The following CTNND2 variants were observed in gnomAD, a reference collection of about 807,000 sequenced individuals.
CTNND2 encodes the protein catenin delta-2.
A neutral mutation model predicts 144.4 loss-of-function variants in CTNND2; 22 were observed. That is an observed-to-expected ratio of 0.15 (90% confidence interval 0.11 to 0.22). The LOEUF is 0.22. Among genes scored for constraint, CTNND2 ranks in the 10% least tolerant of loss-of-function variants. The pLI, the probability that CTNND2 is intolerant of heterozygous loss-of-function variation, is 1.00. For synonymous variants in CTNND2, 751 were observed against 695.6 expected, an observed-to-expected ratio of 1.08 and a Z score of -1.25; for missense variants, 1,353 against 1,618.8, an observed-to-expected ratio of 0.84 and a Z score of 2.82.
intron 3 of CTNND2, among the ~76,000 whole-genome samples, chr5:11,505,441 C>T (rs3895695): frequency 0.13 from 19,239 of 152,060 alleles, 1,249 homozygotes; most frequent in Middle Eastern, 0.28. Context: ...TGAAATAAAC[C>T]GCTTAATGTT....
intron 11 of CTNND2, among the ~76,000 whole-genome samples, chr5:11,178,982 C>T (rs1252362198): frequency 5.9e-5 from 9 of 152,262 alleles, no homozygotes; most frequent in African/African-American, 1.9e-4. Context: ...ATATATTTTA[C>T]AACTATTTCT....
chr5:11,848,753 T>C (rs1794873330), intron 1 of CTNND2, among the ~76,000 whole-genome samples: 1 of 152,130 alleles, frequency 6.6e-6, no homozygotes, highest in Non-Finnish European at 1.5e-5. Context: ...TATATGTGGA[T>C]TGTGTATCAT....
intron 9 of CTNND2, among the ~76,000 whole-genome samples, chr5:11,332,169 G>T (rs965895433): frequency 1.3e-5 from 2 of 151,886 alleles, no homozygotes; most frequent in Non-Finnish European, 1.5e-5. Context: ...CAGCTACTTG[G>T]GAGGCTGAGG....
rs375628079 is a variant in CTNND2 at position 11,352,401 on chromosome 5, A to AC, written c.1373-5775_1373-5774insG. Among the ~76,000 whole-genome samples, 8 of 152,312 alleles carry AC rather than the reference A, an allele frequency of 5.3e-5. No individual in the cohort carries two copies. The South Asian group carries it at 1.0e-3, about 20-fold the overall frequency. On this transcript the variant is annotated intron_variant, in intron 8 of 21. Coordinates refer to ENST00000304623, the MANE Select transcript of CTNND2 (RefSeq NM_001332.4). Reference sequence around the variant, plus strand: ...TCCTTCTTGTTATAACCTTGAAAAAATTTAAAAATGCAAGCTCTTCATCTG... The same window carrying AC: ...TCCTTCTTGTTATAACCTTGAAAAAACTTTAAAAATGCAAGCTCTTCATCTG...
intron 2 of CTNND2, among the ~76,000 whole-genome samples, chr5:11,693,101 A>G (rs1037524728): frequency 2.0e-5 from 3 of 152,208 alleles, no homozygotes; most frequent in East Asian, 1.9e-4. Flanking sequence ...AGTTACTCCA[A>G]TGTCAAACTT....
intron 5 of CTNND2, among the ~76,000 whole-genome samples, chr5:11,402,187 A>C (rs1464200026): frequency 2.0e-5 from 3 of 152,204 alleles, no homozygotes; most frequent in African/African-American, 7.2e-5. Flanking sequence ...ATCTTTTGGC[A>C]CTTAGAGACA....
chr5:11,539,130 C>T (rs1774487352), intron 3 of CTNND2, among the ~76,000 whole-genome samples: 1 of 152,084 alleles, frequency 6.6e-6, no homozygotes, highest in Non-Finnish European at 1.5e-5. Flanking sequence ...ATGAAAATGT[C>T]AGGGAGTCCA....
At chr5:11,442,634 G>A (rs1008916649) in intron 3 of CTNND2, among the ~76,000 whole-genome samples, 3 of 151,814 alleles carry the variant, frequency 2.0e-5, no homozygotes, top group African/African-American at 4.8e-5. Flanking sequence ...AATAGAGGGT[G>A]CAAATCAGAC....
intron 3 of CTNND2, among the ~76,000 whole-genome samples, chr5:11,553,863 A>C (rs898266560): frequency 2.6e-5 from 4 of 152,122 alleles, no homozygotes; most frequent in African/African-American, 9.7e-5. Flanking sequence ...AGTTATATTG[A>C]TTGTTTTTAG....
chr5:11,723,644 A>G (rs1460239008), intron 2 of CTNND2, among the ~76,000 whole-genome samples: 1 of 152,210 alleles, frequency 6.6e-6, no homozygotes, highest in East Asian at 1.9e-4. Context: ...TCTCAATACA[A>G]ATATACTAAA....
intron 5 of CTNND2, among the ~76,000 whole-genome samples, chr5:11,410,475 A>G (rs61749773): frequency 0.014 from 2,105 of 152,306 alleles, 58 homozygotes; most frequent in African/African-American, 0.048. Flanking sequence ...TTTTAAATTA[A>G]GGAATAAAAT....
At chr5:11,370,469 T>C (rs1757369561) in intron 7 of CTNND2, among the ~76,000 whole-genome samples, 2 of 152,226 alleles carry the variant, frequency 1.3e-5, no homozygotes, top group South Asian at 4.1e-4. Flanking sequence ...AAGCATCTAA[T>C]GTGTTACACC....
At chr5:11,862,950 A>G (rs1372808659) in intron 1 of CTNND2, among the ~76,000 whole-genome samples, 1 of 152,232 alleles carries the variant, frequency 6.6e-6, no homozygotes, top group Non-Finnish European at 1.5e-5. Flanking sequence ...TCGGGCTAAC[A>G]TGAAATATAA....
intron 8 of CTNND2, 64 bp from the exon 9 acceptor site, chr5:11,346,691 G>T: frequency 7.3e-7 from 1 of 1,378,580 alleles, no homozygotes; most frequent in Admixed American, 3.0e-5. Flanking sequence ...TGGTTAACCA[G>T]GTCTAGGCAG....
intron 2 of CTNND2, among the ~76,000 whole-genome samples, chr5:11,648,692 T>C (rs1245205453): frequency 1.3e-5 from 2 of 152,194 alleles, no homozygotes; most frequent in East Asian, 1.9e-4. Flanking sequence ...ACTCTGTAAC[T>C]AGCAAAATCT....
chr5:11,431,458 A>C (rs1763279335), intron 3 of CTNND2, among the ~76,000 whole-genome samples: 1 of 152,232 alleles, frequency 6.6e-6, no homozygotes. Flanking sequence ...GTTGAGACGT[A>C]AAATGCAGCT....
intron 15 of CTNND2, among the ~76,000 whole-genome samples, chr5:11,097,834 C>T (rs1466471661): frequency 6.6e-6 from 1 of 152,208 alleles, no homozygotes; most frequent in African/African-American, 2.4e-5. Context: ...TGCAAACTTT[C>T]TCTCTTGGTA....
chr5:11,537,754 C>A (rs1774354021), intron 3 of CTNND2, among the ~76,000 whole-genome samples: 1 of 152,120 alleles, frequency 6.6e-6, no homozygotes, highest in Non-Finnish European at 1.5e-5. Flanking sequence ...ATAGTACCAG[C>A]TTTAGTAGAA....
intron 5 of CTNND2, among the ~76,000 whole-genome samples, chr5:11,398,297 T>A (rs1179129907): frequency 6.6e-6 from 1 of 152,192 alleles, no homozygotes; most frequent in East Asian, 1.9e-4. Context: ...AAGTTCCTTA[T>A]TTTTTTCTTT....
Sources: allele counts gnomAD v4.1 joint callset (sites outside exome capture counted in the v4.1 genomes callset), GRCh38; gene constraint gnomAD v4.1.1; transcripts MANE v1.5; gene names NCBI Gene and HGNC (gene_info 2026-07-23, HGNC 2026-07-21).